The following GLB1 variants were observed in gnomAD, a reference collection of about 807,000 sequenced individuals.
GLB1 encodes the protein beta-galactosidase.
Under a neutral mutation model 74.0 loss-of-function variants are expected in GLB1, and 56 were observed. That is an observed-to-expected ratio of 0.76 (90% CI 0.61 to 0.94). GLB1 has a LOEUF of 0.94. GLB1 is among the 40% of genes least tolerant of loss of function. GLB1 has a pLI of 0.00. For missense variants in GLB1, 787 were observed against 845.5 expected, an observed-to-expected ratio of 0.93 and a Z score of 0.86; for synonymous variants, 323 against 323.6, an observed-to-expected ratio of 1.00 and a Z score of 0.02.
rs138410571 is a variant in GLB1, at chr3:33,094,113, C to T, written c.75+2898G>A. On this transcript the variant is annotated intron_variant, in intron 1 of 15. Transcript: ENST00000307363. The stretch of plus-strand genomic sequence containing the variant: ...CTCAAGGCTCTCTGCCAGATACGAG[C>T]GGGAGGCGATCATGGACACGAAGAC... The T allele has an allele frequency of 2.8e-4, 447 of 1,614,212 alleles. 3 individuals carry two copies. Among genetic ancestry groups the T allele is most frequent in the Non-Finnish European group, 4.0e-5 (47 of 1,180,026 alleles).
intron 12 of GLB1, among the ~76,000 whole-genome samples, chr3:33,019,664 A>C (rs1302393284): frequency 6.6e-6 from 1 of 152,182 alleles, no homozygotes; most frequent in Non-Finnish European, 1.5e-5. Context: ...CCCAGGCTCC[A>C]CATCTCCATC....
At chr3:32,989,178 TG>T in the GLB1 span, among the ~76,000 whole-genome samples, 1 of 152,178 alleles carries the variant, frequency 6.6e-6, no homozygotes, top group Non-Finnish European at 1.5e-5. Context: ...GAAGTTGTGA[TG>T]TTCTTAGCAT....
At chr3:33,092,001 C>T (rs1700783832) in intron 1 of GLB1, 2 of 984,510 alleles carry the variant, frequency 2.0e-6, no homozygotes, top group Admixed American at 6.1e-5. Flanking sequence ...CCCTATCTCT[C>T]TTTGCCTTGG....
chr3:33,089,651 CAA>C (rs1426147016), intron 1 of GLB1, among the ~76,000 whole-genome samples: 1 of 152,124 alleles, frequency 6.6e-6, no homozygotes, highest in Non-Finnish European at 1.5e-5. Flanking sequence ...AAGCCCGCCA[CAA>C]AAAGACAAAA....
At chr3:33,001,720 A>G (rs1488493172) in intron 15 of GLB1, among the ~76,000 whole-genome samples, 1 of 152,198 alleles carries the variant, frequency 6.6e-6, no homozygotes, top group Non-Finnish European at 1.5e-5. Flanking sequence ...ACTTAGTAGC[A>G]CTCATGGCTG....
chr3:32,993,522 ATTTTTTTT>A (rs746774682), downstream of GLB1, among the ~76,000 whole-genome samples: 54 of 62,286 alleles, frequency 8.7e-4, no homozygotes, highest in African/African-American at 2.7e-3. Context: ...CATCCAGCTA[ATTTTTTTT>A]TTTTTTTTTT....
intron 1 of GLB1, among the ~76,000 whole-genome samples, chr3:33,087,580 CACACACA>C (rs1700564686): frequency 5.3e-3 from 3 of 568 alleles, no homozygotes; most frequent in East Asian, 0.1. Context: ...AGCATGCGCG[CACACACA>C]CACACACACA....
At chr3:33,077,543 C>G (rs554357039) in intron 1 of GLB1, 782 of 695,230 alleles carry the variant, frequency 1.1e-3, no homozygotes, top group Non-Finnish European at 1.5e-3. Context: ...AGACCAAGAT[C>G]ACATTCTCAA....
chr3:33,078,473 G>C (rs1005813878), intron 1 of GLB1, among the ~76,000 whole-genome samples: 2 of 152,124 alleles, frequency 1.3e-5, no homozygotes, highest in African/African-American at 2.4e-5. Flanking sequence ...GATTTAACAC[G>C]AAGTACAGTC....
chr3:33,043,964 A>T (rs1196422059), intron 10 of GLB1, among the ~76,000 whole-genome samples: 1 of 152,142 alleles, frequency 6.6e-6, no homozygotes, highest in East Asian at 1.9e-4. Context: ...CTAATAACAT[A>T]ACCTCAGAAC....
intron 15 of GLB1, among the ~76,000 whole-genome samples, chr3:33,002,324 TCTCC>T (rs775639992): frequency 0.013 from 1,061 of 83,146 alleles, 27 homozygotes; most frequent in African/African-American, 0.038. Context: ...AAAACAAAAG[TCTCC>T]CTCCCTCCCT....
In GLB1 at chr3:33,093,419, G is replaced by C; in HGVS notation, c.75+3592C>G. On this transcript the variant is annotated intron_variant, in intron 1 of 15. Transcript: ENST00000307363. This position sits in a 1 kb window ranked among gnomAD's most constrained non-coding sequence, Gnocchi z 6.0. ...GTGAATGAAGCTGGCCCAGAGGAGCGACAGCCGTCCGCAGGACCGAGGCTT... is the reference window on the plus strand; with the variant it reads ...GTGAATGAAGCTGGCCCAGAGGAGCCACAGCCGTCCGCAGGACCGAGGCTT... The C allele has an allele frequency of 6.2e-7, 1 of 1,614,082 alleles. No homozygotes were observed. Among genetic ancestry groups the C allele is most frequent in the East Asian group, 2.2e-5 (1 of 44,872 alleles).
At chr3:33,075,434 C>T (rs1575479282) in intron 1 of GLB1, among the ~76,000 whole-genome samples, 1 of 152,336 alleles carries the variant, frequency 6.6e-6, no homozygotes, top group Admixed American at 6.5e-5. Flanking sequence ...TCTCTACCCT[C>T]CAATGACCTC....
At chr3:32,969,826 C>A in the GLB1 span, among the ~76,000 whole-genome samples, 5 of 152,258 alleles carry the variant, frequency 3.3e-5, no homozygotes, top group Non-Finnish European at 7.3e-5. Flanking sequence ...ACTGCTATTA[C>A]TCGAGCCGTT....
At chr3:33,089,141 G>T (rs192948942) in intron 1 of GLB1, among the ~76,000 whole-genome samples, 15 of 152,100 alleles carry the variant, frequency 9.9e-5, no homozygotes, top group Admixed American at 2.0e-4. Flanking sequence ...TTCAATATGG[G>T]TTAAAGACCT....
In GLB1 at chr3:33,093,913, G is replaced by C; in HGVS notation, c.75+3098C>G. On this transcript the variant is annotated intron_variant, in intron 1 of 15. Transcript: ENST00000307363. The surrounding 1 kb of genome is among the most constrained non-coding windows in gnomAD (Gnocchi z 6.0). ...ATGGTAAAGAAACTGGAATGGGCCA[G>C]GGCCAGAAATGCCAGAACCACCACC... 6.2e-7 allele frequency: 1 copy of C among 1,614,080 alleles called. No homozygotes were observed. Among genetic ancestry groups the C allele is most frequent in the Non-Finnish European group, 8.5e-7 (1 of 1,180,014 alleles).
chr3:32,998,793 C>A (rs1176980998), intron 15 of GLB1, among the ~76,000 whole-genome samples: 2 of 152,182 alleles, frequency 1.3e-5, no homozygotes, highest in South Asian at 4.1e-4. Flanking sequence ...CTGACACCTG[C>A]TGAGCCCTAA....
chr3:33,068,800 C>T lies in GLB1; in HGVS notation c.396+20G>A, dbSNP rs769147955. The T allele has an allele frequency of 3.7e-6, 6 of 1,613,362 alleles. No homozygotes were observed. The South Asian group carries it at 6.6e-5, about 18-fold the overall frequency. On this transcript the variant is annotated intron_variant, in intron 3 of 15. Coordinates refer to ENST00000307363, the MANE Select transcript of GLB1 (RefSeq NM_000404.4). Reference sequence around the variant, plus strand: ...GCCAGCTCACACACACCAGGTAGAGCCCAGTCTAGCCACACTCACCATTTC... The same window carrying T: ...GCCAGCTCACACACACCAGGTAGAGTCCAGTCTAGCCACACTCACCATTTC...
chr3:33,016,732 C>T lies in GLB1; in HGVS notation c.1456G>A (p.Gly486Ser), dbSNP rs777663814. Residue 486 changes from glycine to serine, a missense_variant, in exon 14 of 16, where the codon GGT becomes AGT. Physicochemically the swap from Gly to Ser is moderately conservative, Grantham distance 56 (BLOSUM62 0). Coordinates refer to ENST00000307363, the MANE Select transcript of GLB1 (RefSeq NM_000404.4). ...LVENMGRVNY[G>S]AYINDFKGLV... The stretch of plus-strand genomic sequence containing the variant: ...ACCTTAAAATCGTTGATATATGCAC[C>T]ATAGTTCACACGTCCCATGTTCTCT... The T allele has an allele frequency of 6.2e-7, 1 of 1,614,076 alleles. No homozygotes were observed. Among genetic ancestry groups the T allele is most frequent in the South Asian group, 1.1e-5 (1 of 91,080 alleles).
Sources: allele counts gnomAD v4.1 joint callset (sites outside exome capture counted in the v4.1 genomes callset), GRCh38; gene constraint gnomAD v4.1.1; non-coding constraint Gnocchi (gnomAD v3.1); transcripts MANE v1.5; gene names NCBI Gene and HGNC (gene_info 2026-07-23, HGNC 2026-07-21).